MAML1: variants seen among roughly 807,000 people sequenced by gnomAD.
MAML1 encodes the protein mastermind-like protein 1.
Under a neutral mutation model 77.1 loss-of-function variants are expected in MAML1, and 14 were observed. The ratio of observed to expected loss-of-function variants is 0.18; its 90% CI spans 0.12 to 0.28. The LOEUF (loss-of-function observed/expected upper bound fraction) is 0.28. MAML1 is among the 10% of genes least tolerant of loss of function. The pLI is 1.00. For missense variants in MAML1, 1,217 were observed against 1,327.8 expected (o/e 0.92, Z 1.30); for synonymous variants, 516 against 551.9 (o/e 0.93, Z 0.91).
In MAML1 at chr5:179,775,730, A is replaced by T; in HGVS notation, c.*853A>T. ...TCCCCACCTTCTGCAGTTTTCTCTGAACATGTATGTTGCCCATGGTGGGAG... is the reference window on the plus strand; with the variant it reads ...TCCCCACCTTCTGCAGTTTTCTCTGTACATGTATGTTGCCCATGGTGGGAG... On this transcript the variant is annotated 3_prime_UTR_variant, in exon 5 of 5. Transcript: ENST00000292599. The T allele has an allele frequency of 1.0e-6, 1 of 985,482 alleles. No homozygotes were observed. Among genetic ancestry groups the T allele is most frequent in the South Asian group, 4.7e-5 (1 of 21,292 alleles). The allele number at this position is 985,482 out of a possible 1,614,324, so 61.0% of individuals were successfully genotyped here. A position where few individuals can be genotyped will look rare whatever the true frequency, so the allele number is the denominator to read the frequency against.
Position 179,774,105 on chromosome 5 carries a change from C to T in MAML1, c.2279C>T (p.Ala760Val). 1 of 1,613,800 alleles carries T rather than the reference C, an allele frequency of 6.2e-7. No homozygotes were observed. Among genetic ancestry groups the T allele is most frequent in the Non-Finnish European group, 8.5e-7 (1 of 1,180,020 alleles). ...CCTCAGAGCAGCCTCTATGGCATGGCTTCTGGCATAACCCAGATAGTTGCC... is the reference window on the plus strand; with the variant it reads ...CCTCAGAGCAGCCTCTATGGCATGGTTTCTGGCATAACCCAGATAGTTGCC... ...NMPQSSLYGM[A>V]SGITQIVAQP... Residue 760 changes from alanine to valine, a missense_variant, in exon 5 of 5, where the codon GCT becomes GTT. Coordinates refer to ENST00000292599, the MANE Select transcript of MAML1 (RefSeq NM_014757.5).
chr5:179,774,558 G>A lies in MAML1; in HGVS notation c.2732G>A (p.Arg911Lys). The change falls in exon 5 of 5, where the codon AGG becomes AAG. Residue 911 changes from arginine (R) to lysine (K), a missense_variant. Arg to Lys is a conservative substitution (Grantham distance 26, BLOSUM62 2). This residue lies in a region of MAML1 where 884 missense variants were observed against 949.3 expected (regional missense o/e 0.93). Transcript: ENST00000292599. ...SLLPPVSAQQ[R>K]TSAPAPAPPP... ...CTACCCCCAGTGAGTGCACAGCAGA[G>A]GACCAGCGCCCCTGCCCCAGCACCA... 1 of 1,612,846 alleles carries A rather than the reference G, an allele frequency of 6.2e-7. No individual in the cohort carries two copies. Among genetic ancestry groups the A allele is most frequent in the Non-Finnish European group, 8.5e-7 (1 of 1,179,932 alleles).
chr5:179,748,960 T>TG (rs1003601719), intron 1 of MAML1, among the ~76,000 whole-genome samples: 3 of 151,854 alleles, frequency 2.0e-5, no homozygotes, highest in African/African-American at 2.4e-5. Context: ...GTTTTTTTTT[T>TG]TTTTGTTTTT....
Position 179,774,074 on chromosome 5 carries a change from A to T in MAML1, c.2248A>T (p.Asn750Tyr), listed in dbSNP as rs2113386035. ...TGTGGCTCAGTTCCCTGGCTCCCAA[A>T]ACATGCCTCAGAGCAGCCTCTATGG... ...RGVAQFPGSQ[N>Y]MPQSSLYGMA... Residue 750 changes from asparagine to tyrosine, a missense_variant, in exon 5 of 5, where the codon AAC becomes TAC. This residue lies in a region of MAML1 where 884 missense variants were observed against 949.3 expected (regional missense o/e 0.93). Transcript: ENST00000292599. The T allele has an allele frequency of 6.2e-7, 1 of 1,614,036 alleles. No individual in the cohort carries two copies. The highest frequency in any genetic ancestry group is 8.5e-7 in the Non-Finnish European group (1 of 1,180,022).
intron 1 of MAML1, among the ~76,000 whole-genome samples, chr5:179,735,611 G>A (rs535276260): frequency 1.3e-5 from 2 of 151,990 alleles, no homozygotes; most frequent in South Asian, 2.1e-4. Flanking sequence ...GGCTGGTCTC[G>A]AACTCCTGAC....
intron 1 of MAML1, among the ~76,000 whole-genome samples, chr5:179,753,905 C>T (rs1779560819): frequency 6.6e-6 from 1 of 151,874 alleles, no homozygotes; most frequent in Non-Finnish European, 1.5e-5. Flanking sequence ...CTCCCGACCT[C>T]AAGTGATCCA....
intron 1 of MAML1, among the ~76,000 whole-genome samples, chr5:179,735,713 C>T (rs1286738960): frequency 1.5e-5 from 2 of 135,832 alleles, no homozygotes; most frequent in African/African-American, 2.8e-5. Flanking sequence ...TTTGAGACAG[C>T]GTCTCGCCCT....
chr5:179,734,206 G>A (rs1779122523), intron 1 of MAML1, among the ~76,000 whole-genome samples: 1 of 152,110 alleles, frequency 6.6e-6, no homozygotes, highest in Non-Finnish European at 1.5e-5. Flanking sequence ...GGTTTTCTTG[G>A]GGATTTTAGT....
chr5:179,750,125 T>A (rs1285095426), intron 1 of MAML1, among the ~76,000 whole-genome samples: 1 of 152,236 alleles, frequency 6.6e-6, no homozygotes, highest in Non-Finnish European at 1.5e-5. Flanking sequence ...CGCTTTAATA[T>A]TAATCATCTT....
At position 179,732,950 on chromosome 5, in the gene MAML1, G is replaced by C. The variant is rs1779092217; in HGVS notation, c.-163G>C. 1.5e-5 allele frequency: 5 copies of C among 333,508 alleles called. No homozygotes were observed. The South Asian group carries it at 5.8e-4, about 38-fold the overall frequency. The allele number at this position is 333,508 out of a possible 1,614,324, so 20.7% of individuals were successfully genotyped here. A position where few individuals can be genotyped will look rare whatever the true frequency, so the allele number is the denominator to read the frequency against. The stretch of plus-strand genomic sequence containing the variant: ...CGCCGGCTGGGGGTCGGGCCGAGCG[G>C]GGCAGGAGGAAAACCCGCCGCCGCG... On this transcript the variant is annotated 5_prime_UTR_variant, in exon 1 of 5. Transcript: ENST00000292599.
In MAML1 at chr5:179,765,702, C is replaced by T. The variant is rs759419227; in HGVS notation, c.692C>T (p.Thr231Ile). Residue 231 changes from threonine (T) to isoleucine (I), a missense_variant, in exon 2 of 5, where the codon ACT (threonine) becomes ATT (isoleucine). Physicochemically the swap from Thr to Ile is moderately conservative, Grantham distance 89. Transcript: ENST00000292599. ...GACCTGCCTTGCATGATCACTGGGA[C>T]TGTCGGCTCCATATCGCAAAGCAAC... ...VEDLPCMITGTVGSISQSNLM... is the reference protein window; with the variant it reads ...VEDLPCMITGIVGSISQSNLM... 1 of 1,614,074 alleles carries T rather than the reference C, an allele frequency of 6.2e-7. No individual in the cohort carries two copies. The highest frequency in any genetic ancestry group is 1.7e-5 in the Admixed American group (1 of 60,024).
chr5:179,754,050 A>G lies in MAML1; in HGVS notation c.316-11276A>G, dbSNP rs182153139. 6.2e-3 allele frequency among the ~76,000 whole-genome samples: 943 copies of G among 152,038 alleles called. 10 individuals carry two copies. The highest frequency in any genetic ancestry group is 0.021 in the African/African-American group (876 of 41,500). On this transcript the variant is annotated intron_variant, in intron 1 of 4. Coordinates refer to ENST00000292599, the MANE Select transcript of MAML1 (RefSeq NM_014757.5). ...TGTAATCTCAGCACTTTGGGAGGTCAAGGTGGGTGGATCCCTTGAGCCCAG... is the reference window on the plus strand; with the variant it reads ...TGTAATCTCAGCACTTTGGGAGGTCGAGGTGGGTGGATCCCTTGAGCCCAG...
chr5:179,762,165 G>A (rs1243182692), intron 1 of MAML1, among the ~76,000 whole-genome samples: 1 of 152,172 alleles, frequency 6.6e-6, no homozygotes, highest in Non-Finnish European at 1.5e-5. Flanking sequence ...TGGCCACAAA[G>A]CATTCTGGGA....
intron 1 of MAML1, among the ~76,000 whole-genome samples, chr5:179,762,737 G>A (rs1779745543): frequency 6.6e-6 from 1 of 152,114 alleles, no homozygotes; most frequent in African/African-American, 2.4e-5. Context: ...TTTGAGTTCA[G>A]GCTCCAAGGC....
rs755636410 is a variant in MAML1, at chr5:179,774,857, G to A, written c.3031G>A (p.Asp1011Asn). 7 of 1,609,990 alleles carry A rather than the reference G, an allele frequency of 4.3e-6. No homozygotes were observed. The highest frequency in any genetic ancestry group is 5.9e-6 in the Non-Finnish European group (7 of 1,176,980). Residue 1011 changes from aspartate (D) to asparagine (N), a missense_variant, in exon 5 of 5, where the codon GAC becomes AAC. Asp to Asn is a conservative substitution (Grantham distance 23, BLOSUM62 1). Transcript: ENST00000292599. The stretch of plus-strand genomic sequence containing the variant: ...AGAGGAGTGGATGAGTGATTTGGAC[G>A]ACCTGTTAGGGTCTCAGTAATGGAA... ...TSEEWMSDLD[D>N]LLGSQ
At chr5:179,773,739 C>T in intron 4 of MAML1, 156 bp from the exon 5 acceptor site, 1 of 985,476 alleles carries the variant, frequency 1.0e-6, no homozygotes, top group Non-Finnish European at 1.2e-6. Context: ...AGAGACCAGG[C>T]CTCCATTCCA....
chr5:179,755,768 G>GTTT (rs1266646726), intron 1 of MAML1, among the ~76,000 whole-genome samples: 1 of 139,622 alleles, frequency 7.2e-6, no homozygotes, highest in Non-Finnish European at 1.6e-5. Context: ...GCCCAAGACA[G>GTTT]TTTTTTTTTT....
chr5:179,752,335 A>AT (rs1328904732), intron 1 of MAML1, among the ~76,000 whole-genome samples: 7 of 103,892 alleles, frequency 6.7e-5, no homozygotes, highest in Admixed American at 1.1e-4. Flanking sequence ...CAAAAAAAAA[A>AT]AAAAAAAAAA....
In MAML1 at chr5:179,774,015, C is replaced by G. The variant is rs952998880; in HGVS notation, c.2189C>G (p.Ser730Cys). ...PMGPGHASVS[S>C]LPTNSGQQDR... ...GGCCCTGGACATGCTTCAGTTTCCTCTCTCCCCACAAACTCAGGCCAACAG... is the reference window on the plus strand; with the variant it reads ...GGCCCTGGACATGCTTCAGTTTCCTGTCTCCCCACAAACTCAGGCCAACAG... Residue 730 changes from serine to cysteine, a missense_variant, in exon 5 of 5, where the codon TCT becomes TGT. Ser to Cys is a moderately radical substitution (Grantham distance 112). This residue lies in a region of MAML1 where 884 missense variants were observed against 949.3 expected (regional missense o/e 0.93). Transcript: ENST00000292599. 1.2e-6 allele frequency: 2 copies of G among 1,614,112 alleles called. No individual in the cohort carries two copies. The highest frequency in any genetic ancestry group is 1.7e-6 in the Non-Finnish European group (2 of 1,180,060).
Sources: allele counts gnomAD v4.1 joint callset (sites outside exome capture counted in the v4.1 genomes callset), GRCh38; gene constraint gnomAD v4.1.1; regional missense constraint gnomAD v4.1.1; transcripts MANE v1.5; gene names NCBI Gene and HGNC (gene_info 2026-07-23, HGNC 2026-07-21).